EPB41L5: variants seen among roughly 807,000 people sequenced by gnomAD.
EPB41L5 encodes erythrocyte membrane protein band 4.1 like 5, also known as band 4.1-like protein 5.
Under a neutral mutation model 106.6 loss-of-function variants are expected in EPB41L5, and 55 were observed. That is an observed-to-expected ratio of 0.52 (90% CI 0.42 to 0.65). EPB41L5 has a LOEUF of 0.65. Ranked by LOEUF, EPB41L5 falls within the 30% of genes least tolerant of loss-of-function variation. The pLI is 0.00. For missense variants in EPB41L5, 871 were observed against 882.1 expected (o/e 0.99, Z 0.16); for synonymous variants, 297 against 306.7 (o/e 0.97, Z 0.33).
At chr2:120,061,799 A>C (rs1681098290) in intron 3 of EPB41L5, among the ~76,000 whole-genome samples, 1 of 152,238 alleles carries the variant, frequency 6.6e-6, no homozygotes, top group Non-Finnish European at 1.5e-5. Context: ...AAAGAATTTT[A>C]AGATGTCAGT....
chr2:120,094,906 T>C (rs1178378437), intron 14 of EPB41L5, among the ~76,000 whole-genome samples: 1 of 152,196 alleles, frequency 6.6e-6, no homozygotes, highest in African/African-American at 2.4e-5. Flanking sequence ...GTAGAGGACA[T>C]ACTTTGTATG....
intron 16 of EPB41L5, among the ~76,000 whole-genome samples, chr2:120,114,921 C>G (rs1411661627): frequency 6.6e-6 from 1 of 152,092 alleles, no homozygotes; most frequent in Non-Finnish European, 1.5e-5. Context: ...TCTGATTTAG[C>G]TTTATGTGTT....
intron 20 of EPB41L5, among the ~76,000 whole-genome samples, chr2:120,154,308 A>G (rs1281412692): frequency 6.6e-6 from 1 of 151,064 alleles, no homozygotes; most frequent in Non-Finnish European, 1.5e-5. Flanking sequence ...ACAGGCATGC[A>G]CCACCATGCC....
chr2:120,139,783 C>T (rs1051943355), intron 18 of EPB41L5, among the ~76,000 whole-genome samples: 3 of 151,792 alleles, frequency 2.0e-5, no homozygotes, highest in African/African-American at 4.8e-5. Flanking sequence ...AAAAATGGAA[C>T]GATCATATGA....
rs1372456042 is a variant in EPB41L5, at chr2:120,080,271, C to T, written c.803+1690C>T. On this transcript the variant is annotated intron_variant, in intron 10 of 24. Transcript: ENST00000263713. ...TATCCCTCCCCCTCCCCCAACCCCA[C>T]GACAGGCCCCGGTGTGTGATGTTCC... 4.0e-5 allele frequency among the ~76,000 whole-genome samples: 6 copies of T among 151,748 alleles called. No homozygotes were observed. In the South Asian group the frequency reaches 6.2e-4, roughly 16 times the overall value.
rs557428726 is a variant in EPB41L5, at chr2:120,022,954, T to C, written c.180+3690T>C. Among the ~76,000 whole-genome samples, 292 of 152,364 alleles carry C rather than the reference T, an allele frequency of 1.9e-3. 1 individual carries two copies. The highest frequency in any genetic ancestry group is 6.6e-3 in the African/African-American group (274 of 41,592). On this transcript the variant is annotated intron_variant, in intron 2 of 24. Coordinates refer to ENST00000263713, the MANE Select transcript of EPB41L5 (RefSeq NM_020909.4). ...CAGTGATGATGAGCTTTTTTTCATA[T>C]GTTTGTTGACTGCATAAATGTCTTT...
intron 3 of EPB41L5, among the ~76,000 whole-genome samples, chr2:120,052,660 C>T (rs1365132969): frequency 1.3e-5 from 2 of 152,226 alleles, no homozygotes. Flanking sequence ...GTTCATTTGA[C>T]ATGGCCCCTT....
chr2:120,164,046 G>A (rs1396982848), intron 21 of EPB41L5, among the ~76,000 whole-genome samples: 4 of 133,992 alleles, frequency 3.0e-5, no homozygotes, highest in Non-Finnish European at 6.2e-5. Context: ...GCAGTGGCGC[G>A]ATCTCGGCTC....
In EPB41L5 at chr2:120,013,095, C is replaced by G. The variant is rs1415541572; in HGVS notation, c.-124C>G. The G allele has an allele frequency of 1.3e-5, 2 of 152,242 alleles. No individual in the cohort carries two copies. Among genetic ancestry groups the G allele is most frequent in the Non-Finnish European group, 2.9e-5 (2 of 68,074 alleles). 9.4% of individuals were successfully genotyped at this position (152,242 alleles called of 1,614,324 possible). A position where few individuals can be genotyped will look rare whatever the true frequency, so the allele number is the denominator to read the frequency against. On this transcript the variant is annotated 5_prime_UTR_variant, in exon 1 of 25. Coordinates refer to ENST00000263713, the MANE Select transcript of EPB41L5 (RefSeq NM_020909.4). ...GGTCGGGGTCCTCCGGGGATTAGAG[C>G]CGGTGGGCTCGTTGTGGGCGCCATT... is the stretch of plus-strand genomic sequence containing the variant.
intron 21 of EPB41L5, among the ~76,000 whole-genome samples, chr2:120,163,869 T>G (rs906915456): frequency 1.3e-5 from 2 of 151,732 alleles, no homozygotes; most frequent in African/African-American, 4.8e-5. Flanking sequence ...GGAGGATTGC[T>G]TGGGCCCAGC....
chr2:120,039,559 C>G (rs1273817843), intron 2 of EPB41L5, among the ~76,000 whole-genome samples: 1 of 152,066 alleles, frequency 6.6e-6, no homozygotes, highest in Non-Finnish European at 1.5e-5. Context: ...GGCGTGGTGG[C>G]TCACACCTGT....
intron 17 of EPB41L5, among the ~76,000 whole-genome samples, chr2:120,129,683 A>T (rs1380548416): frequency 6.6e-6 from 1 of 152,256 alleles, no homozygotes; most frequent in African/African-American, 2.4e-5. Flanking sequence ...AATGCTTAAA[A>T]AAAGATCAAA....
At chr2:120,150,471 A>G (rs1303454533) in intron 20 of EPB41L5, among the ~76,000 whole-genome samples, 2 of 151,718 alleles carry the variant, frequency 1.3e-5, no homozygotes, top group African/African-American at 4.8e-5. Flanking sequence ...ACAGGCACAC[A>G]CCACCCTGCC....
chr2:120,053,944 C>G (rs1680456200), intron 3 of EPB41L5, among the ~76,000 whole-genome samples: 1 of 152,044 alleles, frequency 6.6e-6, no homozygotes, highest in Admixed American at 6.6e-5. Flanking sequence ...GCCTGTAGTT[C>G]CAGCTACTTG....
intron 3 of EPB41L5, among the ~76,000 whole-genome samples, chr2:120,047,995 G>A (rs565947809): frequency 5.3e-5 from 8 of 150,580 alleles, no homozygotes; most frequent in African/African-American, 2.0e-4. Flanking sequence ...CCAGCCTTGC[G>A]ATCCAGGGAT....
chr2:120,088,744 A>G (rs898242112), intron 11 of EPB41L5, among the ~76,000 whole-genome samples: 5 of 151,966 alleles, frequency 3.3e-5, no homozygotes, highest in Admixed American at 6.6e-5. Flanking sequence ...TTTTTTGCTA[A>G]TGTTTGGAAT....
At chr2:120,063,592 A>G (rs896305999) in intron 3 of EPB41L5, among the ~76,000 whole-genome samples, 2 of 151,990 alleles carry the variant, frequency 1.3e-5, no homozygotes, top group African/African-American at 2.4e-5. Context: ...CCCCCATGAC[A>G]TGCGATTTAC....
intron 16 of EPB41L5, among the ~76,000 whole-genome samples, chr2:120,123,646 CTT>C (rs869296989): frequency 4.4e-3 from 302 of 68,274 alleles, no homozygotes; most frequent in African/African-American, 0.015. Flanking sequence ...GTGTTCGTCC[CTT>C]TTTTTTTTTT....
intron 1 of EPB41L5, among the ~76,000 whole-genome samples, chr2:120,013,947 A>C (rs1677331488): frequency 1.3e-5 from 2 of 152,264 alleles, no homozygotes; most frequent in African/African-American, 2.4e-5. Context: ...AGTTTCTAAC[A>C]TAACCCGTTG....
Sources: allele counts gnomAD v4.1 joint callset (sites outside exome capture counted in the v4.1 genomes callset), GRCh38; gene constraint gnomAD v4.1.1; transcripts MANE v1.5; gene names NCBI Gene and HGNC (gene_info 2026-07-23, HGNC 2026-07-21).